CHST8: variants seen among roughly 807,000 people sequenced by gnomAD.
The protein encoded by CHST8 is GALNAC-4-ST1.
CHST8 carries 10 observed loss-of-function variants against 15.0 expected under a neutral mutation model. The ratio of observed to expected loss-of-function variants is 0.67; its 90% CI spans 0.41 to 1.13. The LOEUF is 1.13. CHST8 is among the 50% of genes most tolerant of loss of function. The pLI is 0.00. For synonymous variants in CHST8, 259 were observed against 256.6 expected (o/e 1.01, Z -0.09); for missense variants, 634 against 608.2 (o/e 1.04, Z -0.45).
chr19:33,730,876 T>G (rs750076421), intron 3 of CHST8, among the ~76,000 whole-genome samples: 1 of 152,110 alleles, frequency 6.6e-6, no homozygotes, highest in Non-Finnish European at 1.5e-5. Context: ...GGCAAACAAC[T>G]GGTGTGAGTC....
At chr19:33,768,921 G>A (rs1195234120) in intron 3 of CHST8, among the ~76,000 whole-genome samples, 5 of 152,328 alleles carry the variant, frequency 3.3e-5, no homozygotes, top group African/African-American at 1.2e-4. Flanking sequence ...TTTCAAAGGA[G>A]GAAGTTGCAG....
At chr19:33,636,091 T>TC (rs1472511932) in intron 1 of CHST8, among the ~76,000 whole-genome samples, 13 of 95,656 alleles carry the variant, frequency 1.4e-4, no homozygotes, top group Admixed American at 8.4e-4. Flanking sequence ...TTTATCAAAG[T>TC]TAAAAAAAAA....
chr19:33,740,327 C>T (rs1974161796), intron 3 of CHST8, among the ~76,000 whole-genome samples: 1 of 152,146 alleles, frequency 6.6e-6, no homozygotes, highest in South Asian at 2.1e-4. Context: ...CATCGGTTTG[C>T]AGAACCGTGT....
chr19:33,757,527 A>AGAAG (rs1240336666), intron 3 of CHST8, among the ~76,000 whole-genome samples: 1 of 29,870 alleles, frequency 3.3e-5, no homozygotes, highest in Non-Finnish European at 6.6e-5. Context: ...AGAAAGAGAA[A>AGAAG]GAAAGAAAGA....
chr19:33,661,254 G>A (rs981373106), intron 1 of CHST8, among the ~76,000 whole-genome samples: 8 of 152,226 alleles, frequency 5.3e-5, no homozygotes, highest in Admixed American at 2.0e-4. Flanking sequence ...AGGAGAGCAG[G>A]TTACGGATGC....
Position 33,772,676 on chromosome 19 carries a change from T to G in CHST8, c.888T>G (p.Ser296=). The change falls in exon 5 of 5, where the codon TCT becomes TCG. Residue 296 remains serine, a synonymous_variant. Transcript: ENST00000650847. ...TGGCCCGGTACCGCGCCAATGCCTC[T>G]CGGGAGGCCCTGCGGACCGGCTCTG... ...AILARYRANA[S]REALRTGSGV... The G allele has an allele frequency of 6.2e-7, 1 of 1,613,742 alleles. No individual in the cohort carries two copies. Among genetic ancestry groups the G allele is most frequent in the South Asian group, 1.1e-5 (1 of 91,086 alleles).
At chr19:33,706,653 C>A (rs776498654) in intron 3 of CHST8, among the ~76,000 whole-genome samples, 5 of 152,276 alleles carry the variant, frequency 3.3e-5, no homozygotes, top group Non-Finnish European at 7.3e-5. Context: ...ATTATTGTAA[C>A]CCCTTGCCCA....
chr19:33,765,521 G>A lies in CHST8; in HGVS notation c.131-5892G>A, dbSNP rs2376995. ...TAGACAAATGCCAGTCTTTGTGTGT[G>A]TGTGTGTGTGTGTGTGTGTGTGTGT... On this transcript the variant is annotated intron_variant, in intron 3 of 4. Transcript: ENST00000650847. Among the ~76,000 whole-genome samples, 678 of 76,180 alleles carry A rather than the reference G, an allele frequency of 8.9e-3. 4 individuals are homozygous for A. The highest frequency in any genetic ancestry group is 0.022 in the African/African-American group (440 of 19,648). The allele number at this position is 76,180 out of a possible 152,430, so 50.0% of individuals were successfully genotyped here.
chr19:33,762,863 T>TC (rs1974764689), intron 3 of CHST8, among the ~76,000 whole-genome samples: 1 of 86,862 alleles, frequency 1.2e-5, no homozygotes, highest in East Asian at 2.1e-4. Context: ...CAGTTTTCTC[T>TC]CTTTTTTTTT....
chr19:33,703,961 G>C lies in CHST8; in HGVS notation c.130+14570G>C, dbSNP rs151017769. On this transcript the variant is annotated intron_variant, in intron 3 of 4. Transcript: ENST00000650847. Reference sequence around the variant, plus strand: ...CCCTGCACAGCGCAGGCTCCTAGTGGGGGGTGGAGGAGCTCCTGGGGGCTT... The same window carrying C: ...CCCTGCACAGCGCAGGCTCCTAGTGCGGGGTGGAGGAGCTCCTGGGGGCTT... Among the ~76,000 whole-genome samples the C allele has an allele frequency of 7.2e-4, 110 of 152,326 alleles. No individual in the cohort carries two copies. The East Asian group carries it at 0.015, about 21-fold the overall frequency.
chr19:33,634,672 G>C (rs948288414), intron 1 of CHST8, among the ~76,000 whole-genome samples: 3 of 33,674 alleles, frequency 8.9e-5, no homozygotes, highest in African/African-American at 2.6e-4. Context: ...TTCTTGTCAC[G>C]AAACCAAAAA....
chr19:33,673,179 C>T (rs1308368596), intron 2 of CHST8, among the ~76,000 whole-genome samples: 3 of 152,190 alleles, frequency 2.0e-5, no homozygotes, highest in Non-Finnish European at 4.4e-5. Context: ...AGCTGGTCCC[C>T]GTGCCCGCCA....
At chr19:33,735,575 C>T (rs1289814407) in intron 3 of CHST8, among the ~76,000 whole-genome samples, 1 of 152,194 alleles carries the variant, frequency 6.6e-6, no homozygotes, top group Non-Finnish European at 1.5e-5. Context: ...ACCTGTAATC[C>T]CAGCACTTTG....
chr19:33,635,006 T>TTGA (rs961312558), intron 1 of CHST8, among the ~76,000 whole-genome samples: 1 of 152,140 alleles, frequency 6.6e-6, no homozygotes, highest in African/African-American at 2.4e-5. Context: ...CTCTAGGCAC[T>TTGA]GGCCATTTGA....
At chr19:33,713,081 C>T (rs112395299) in intron 3 of CHST8, among the ~76,000 whole-genome samples, 1 of 152,072 alleles carries the variant, frequency 6.6e-6, no homozygotes, top group Non-Finnish European at 1.5e-5. Context: ...ACTCATACTC[C>T]CCACCAGCCA....
intron 3 of CHST8, among the ~76,000 whole-genome samples, chr19:33,756,624 T>C (rs1386114436): frequency 6.6e-6 from 1 of 152,196 alleles, no homozygotes; most frequent in African/African-American, 2.4e-5. Flanking sequence ...CCAAACCCTC[T>C]AGCCCTCTGG....
intron 1 of CHST8, among the ~76,000 whole-genome samples, chr19:33,650,178 G>C (rs887235206): frequency 5.9e-5 from 9 of 152,154 alleles, no homozygotes; most frequent in African/African-American, 2.2e-4. Context: ...AGGAGAGGAA[G>C]TCTAACGGTG....
intron 3 of CHST8, among the ~76,000 whole-genome samples, chr19:33,706,323 T>G (rs1439515563): frequency 1.3e-5 from 2 of 152,210 alleles, no homozygotes; most frequent in African/African-American, 4.8e-5. Context: ...TGTGTCCTGA[T>G]GAAGAGTCAG....
At chr19:33,625,872 T>A (rs1374093204) in intron 1 of CHST8, among the ~76,000 whole-genome samples, 1 of 152,180 alleles carries the variant, frequency 6.6e-6, no homozygotes, top group Non-Finnish European at 1.5e-5. Context: ...AATAAATTTT[T>A]TTTTTTAAAT....
Sources: allele counts gnomAD v4.1 joint callset (sites outside exome capture counted in the v4.1 genomes callset), GRCh38; gene constraint gnomAD v4.1.1; transcripts MANE v1.5; gene names NCBI Gene and HGNC (gene_info 2026-07-23, HGNC 2026-07-21).